Variants in ZNF423 observed in about 807,000 individuals in gnomAD.
ZNF423 encodes Ebf-associated zinc finger protein.
A neutral mutation model predicts 95.8 loss-of-function variants in ZNF423; 12 were observed. That is an observed-to-expected ratio of 0.13 (90% CI 0.08 to 0.20). ZNF423 has a LOEUF of 0.20. Ranked by LOEUF, ZNF423 falls within the 10% of genes least tolerant of loss-of-function variation. The probability of loss-of-function intolerance (pLI) is 1.00; values close to 1 mark genes in which losing one functional copy is unlikely to be tolerated. For missense variants in ZNF423, 1,316 were observed against 1,737.1 expected (o/e 0.76, Z 4.31); for synonymous variants, 749 against 711.9 (o/e 1.05, Z -0.83).
intron 1 of ZNF423, among the ~76,000 whole-genome samples, chr16:49,838,455 C>T (rs2035144612): frequency 6.6e-6 from 1 of 152,218 alleles, no homozygotes; most frequent in South Asian, 2.1e-4. Flanking sequence ...CTGGGAAGTG[C>T]GCTCAGCGGC....
At chr16:49,620,624 C>G (rs1972040718) in intron 5 of ZNF423, among the ~76,000 whole-genome samples, 1 of 152,196 alleles carries the variant, frequency 6.6e-6, no homozygotes, top group African/African-American at 2.4e-5. Flanking sequence ...TCCCTGAGGA[C>G]CATCCCTTCC....
intron 5 of ZNF423, among the ~76,000 whole-genome samples, chr16:49,599,613 C>G (rs539915981): frequency 1.3e-5 from 2 of 152,254 alleles, no homozygotes; most frequent in African/African-American, 4.8e-5. Flanking sequence ...AACCCAAGCA[C>G]CCAGCAACAG....
intron 4 of ZNF423, among the ~76,000 whole-genome samples, chr16:49,630,723 T>C (rs908918834): frequency 6.6e-6 from 1 of 152,008 alleles, no homozygotes; most frequent in Admixed American, 6.5e-5. Flanking sequence ...TAAAGGGAGC[T>C]CACTGTGCTT....
chr16:49,509,097 C>G (rs1402844471), intron 7 of ZNF423, among the ~76,000 whole-genome samples: 2 of 152,200 alleles, frequency 1.3e-5, no homozygotes, highest in African/African-American at 4.8e-5. Context: ...CCCAGTTGTT[C>G]CCGTTTGACC....
At chr16:49,552,381 C>T (rs1001320788) in intron 5 of ZNF423, among the ~76,000 whole-genome samples, 2 of 152,102 alleles carry the variant, frequency 1.3e-5, no homozygotes, top group African/African-American at 4.8e-5. Context: ...TAGGCCCCTA[C>T]AAATAGGGGG....
At chr16:49,822,022 A>G (rs1338019981) in intron 1 of ZNF423, among the ~76,000 whole-genome samples, 1 of 152,140 alleles carries the variant, frequency 6.6e-6, no homozygotes, top group Non-Finnish European at 1.5e-5. Context: ...AAGAGCTGGG[A>G]AAGCCGAAGA....
intron 2 of ZNF423, among the ~76,000 whole-genome samples, chr16:49,750,336 G>C (rs564210645): frequency 1.7e-4 from 26 of 152,284 alleles, no homozygotes; most frequent in South Asian, 8.3e-4. Context: ...ACCCTCCAGG[G>C]GCCAAGTCAG....
intron 1 of ZNF423, among the ~76,000 whole-genome samples, chr16:49,799,702 T>G (rs1431683415): frequency 6.6e-6 from 1 of 152,224 alleles, no homozygotes; most frequent in Non-Finnish European, 1.5e-5. Context: ...CTCTCCTCCA[T>G]CTTTCCCTAA....
intron 1 of ZNF423, among the ~76,000 whole-genome samples, chr16:49,833,751 C>T (rs1471343994): frequency 6.6e-6 from 1 of 152,036 alleles, no homozygotes; most frequent in Admixed American, 6.6e-5. Flanking sequence ...TCAGGACCTT[C>T]CCACTGTATA....
chr16:49,503,333 T>G (rs567793219), intron 7 of ZNF423, among the ~76,000 whole-genome samples: 60 of 150,982 alleles, frequency 4.0e-4, no homozygotes, highest in Non-Finnish European at 6.8e-4. Context: ...TGTAGAAGGG[T>G]TTCTGCTTTT....
chr16:49,694,024 G>A (rs1278570675), intron 3 of ZNF423, among the ~76,000 whole-genome samples: 1 of 152,236 alleles, frequency 6.6e-6, no homozygotes, highest in Non-Finnish European at 1.5e-5. Flanking sequence ...TCAATGCCAA[G>A]GCTAGAGCCA....
chr16:49,647,701 G>C (rs1267583027), intron 3 of ZNF423, among the ~76,000 whole-genome samples: 1 of 152,202 alleles, frequency 6.6e-6, no homozygotes, highest in Non-Finnish European at 1.5e-5. Flanking sequence ...TTCCCTAAGA[G>C]CATCCAGAAA....
intron 5 of ZNF423, among the ~76,000 whole-genome samples, chr16:49,547,864 C>A (rs1359361372): frequency 3.9e-5 from 6 of 152,146 alleles, no homozygotes; most frequent in Non-Finnish European, 8.8e-5. Flanking sequence ...ATTTTTTTCA[C>A]CCCACACAGA....
chr16:49,747,651 T>A (rs1555481591), intron 2 of ZNF423, among the ~76,000 whole-genome samples: 1 of 81,852 alleles, frequency 1.2e-5, no homozygotes, highest in African/African-American at 6.2e-5. Context: ...CTGAGATATT[T>A]CATTTAAAAA....
chr16:49,689,573 G>A (rs1446135490), intron 3 of ZNF423, among the ~76,000 whole-genome samples: 1 of 152,188 alleles, frequency 6.6e-6, no homozygotes, highest in African/African-American at 2.4e-5. Context: ...GTCGAGGGGT[G>A]TCACAGTGTC....
chr16:49,855,118 G>A lies in ZNF423; in HGVS notation c.40+617C>T, dbSNP rs1238061532. On this transcript the variant is annotated intron_variant, in intron 1 of 7. Transcript: ENST00000563137. The surrounding 1 kb of genome is among the most constrained non-coding windows in gnomAD (Gnocchi z 4.7). ...GGCAGGAAGTGCAGGGGCCCGGGCCGGGAGAAGGCCTGGGCAGGGGCGGGA... is the reference window on the plus strand; with the variant it reads ...GGCAGGAAGTGCAGGGGCCCGGGCCAGGAGAAGGCCTGGGCAGGGGCGGGA... 1.1e-6 allele frequency: 1 copy of A among 905,852 alleles called. No homozygotes were observed. Among genetic ancestry groups the A allele is most frequent in the Non-Finnish European group, 1.3e-6 (1 of 758,406 alleles). 56.1% of individuals were successfully genotyped at this position (905,852 alleles called of 1,614,324 possible).
intron 3 of ZNF423, among the ~76,000 whole-genome samples, chr16:49,689,747 G>A (rs561617863): frequency 6.6e-6 from 1 of 152,300 alleles, no homozygotes; most frequent in East Asian, 1.9e-4. Context: ...CCAAGGTCAG[G>A]AACAGGCAGG....
chr16:49,837,867 T>C (rs1243443536), intron 1 of ZNF423, among the ~76,000 whole-genome samples: 1 of 152,194 alleles, frequency 6.6e-6, no homozygotes, highest in Admixed American at 6.5e-5. Flanking sequence ...GTCACGTCAC[T>C]TCCTCTGCAG....
intron 1 of ZNF423, among the ~76,000 whole-genome samples, chr16:49,827,653 C>T (rs1187374917): frequency 1.3e-5 from 2 of 152,104 alleles, no homozygotes; most frequent in Non-Finnish European, 2.9e-5. Context: ...GTAGCTGGGA[C>T]TACAGGCATG....
Sources: gnomAD v4.1 joint callset for allele counts (sites outside exome capture counted in the v4.1 genomes callset) on GRCh38, gnomAD v4.1.1 for gene constraint, Gnocchi (gnomAD v3.1) non-coding constraint, MANE v1.5 for transcripts, NCBI Gene and HGNC (gene_info 2026-07-23, HGNC 2026-07-21) for gene names.